SYNDIG1: variants seen among roughly 807,000 people sequenced by gnomAD.
SYNDIG1 encodes synapse differentiation-inducing gene protein 1.
SYNDIG1 carries 9 observed loss-of-function variants against 19.4 expected under a neutral mutation model. The ratio of observed to expected loss-of-function variants is 0.46; its 90% CI spans 0.28 to 0.81. The LOEUF is 0.81. Among genes scored for constraint, SYNDIG1 ranks in the 30% least tolerant of loss-of-function variants. The pLI, the probability that SYNDIG1 is intolerant of heterozygous loss-of-function variation, is 0.12. For missense variants in SYNDIG1, 311 were observed against 343.3 expected (o/e 0.91, Z 0.74); for synonymous variants, 141 against 145.9 (o/e 0.97, Z 0.24).
chr20:24,469,979 G>C (rs1009058177), intron 1 of SYNDIG1, among the ~76,000 whole-genome samples: 3 of 152,208 alleles, frequency 2.0e-5, no homozygotes, highest in Non-Finnish European at 4.4e-5. Context: ...GTCGCAGGGC[G>C]GGAGGGGGAG....
At chr20:24,589,176 G>T (rs528029996) in intron 3 of SYNDIG1, among the ~76,000 whole-genome samples, 1 of 152,326 alleles carries the variant, frequency 6.6e-6, no homozygotes, top group East Asian at 1.9e-4. Flanking sequence ...AATTGGCTGA[G>T]TGGCTGCTGT....
intron 3 of SYNDIG1, among the ~76,000 whole-genome samples, chr20:24,650,807 G>C (rs1305358955): frequency 2.0e-5 from 3 of 151,274 alleles, no homozygotes; most frequent in East Asian, 3.9e-4. Flanking sequence ...GGGCTCCCAA[G>C]GACCACGCAA....
chr20:24,531,881 G>A (rs1385615573), intron 1 of SYNDIG1, among the ~76,000 whole-genome samples: 1 of 152,238 alleles, frequency 6.6e-6, no homozygotes, highest in African/African-American at 2.4e-5. Flanking sequence ...AGCATCTGCT[G>A]TATTTAGGGG....
At chr20:24,490,021 TAACAG>T (rs2056101903) in intron 1 of SYNDIG1, among the ~76,000 whole-genome samples, 1 of 152,146 alleles carries the variant, frequency 6.6e-6, no homozygotes, top group Admixed American at 6.5e-5. Context: ...CTCCCACAAA[TAACAG>T]AAGAGAGAGG....
intron 2 of SYNDIG1, among the ~76,000 whole-genome samples, chr20:24,574,727 A>G (rs1366815251): frequency 6.6e-6 from 1 of 152,204 alleles, no homozygotes; most frequent in East Asian, 1.9e-4. Flanking sequence ...TAATATAATG[A>G]TATGTCTTAT....
intron 2 of SYNDIG1, among the ~76,000 whole-genome samples, chr20:24,556,729 G>C (rs189077825): frequency 1.3e-5 from 2 of 152,262 alleles, no homozygotes; most frequent in Admixed American, 1.3e-4. Context: ...CTCTCTAGCT[G>C]CCCTTAACAT....
At chr20:24,600,982 A>C (rs114070581) in intron 3 of SYNDIG1, among the ~76,000 whole-genome samples, 4,638 of 152,298 alleles carry the variant, frequency 0.03, 153 homozygotes, top group African/African-American at 0.083. Flanking sequence ...CTTATCTTGT[A>C]TCAACGGAAA....
intron 1 of SYNDIG1, among the ~76,000 whole-genome samples, chr20:24,533,626 CT>C (rs899892184): frequency 6.6e-6 from 1 of 151,974 alleles, no homozygotes; most frequent in Non-Finnish European, 1.5e-5. Context: ...GCAAGTTGAT[CT>C]CTGGGGGGCG....
chr20:24,539,653 A>G (rs574008389), intron 1 of SYNDIG1, among the ~76,000 whole-genome samples: 4 of 152,360 alleles, frequency 2.6e-5, no homozygotes, highest in East Asian at 1.9e-4. Context: ...CACTGAATCT[A>G]TAGATAACTT....
intron 3 of SYNDIG1, among the ~76,000 whole-genome samples, chr20:24,618,878 A>T (rs1039037411): frequency 2.6e-5 from 4 of 151,736 alleles, no homozygotes; most frequent in Admixed American, 2.6e-4. Context: ...CAGATATGTA[A>T]CTGCTGTAGC....
chr20:24,591,449 C>CTT (rs200717142), intron 3 of SYNDIG1, among the ~76,000 whole-genome samples: 1 of 146,224 alleles, frequency 6.8e-6, no homozygotes, highest in African/African-American at 2.5e-5. Flanking sequence ...ATCTAGTTAT[C>CTT]TTTTTTTTTT....
chr20:24,650,321 C>T (rs2059457435), intron 3 of SYNDIG1, among the ~76,000 whole-genome samples: 1 of 152,220 alleles, frequency 6.6e-6, no homozygotes, highest in African/African-American at 2.4e-5. Context: ...CGTTTATAAA[C>T]AGAAATCTGC....
At chr20:24,585,802 C>T (rs1282478661) in intron 3 of SYNDIG1, among the ~76,000 whole-genome samples, 1 of 152,234 alleles carries the variant, frequency 6.6e-6, no homozygotes, top group Non-Finnish European at 1.5e-5. Flanking sequence ...AGAAAGAGCA[C>T]TCCTCTGCTG....
At chr20:24,524,455 C>A (rs191411753) in intron 1 of SYNDIG1, among the ~76,000 whole-genome samples, 5 of 152,270 alleles carry the variant, frequency 3.3e-5, no homozygotes, top group African/African-American at 1.2e-4. Context: ...ACCATCCTGG[C>A]TAACAAGGCG....
intron 3 of SYNDIG1, among the ~76,000 whole-genome samples, chr20:24,625,839 C>T (rs1324038938): frequency 6.6e-6 from 1 of 152,270 alleles, no homozygotes; most frequent in Non-Finnish European, 1.5e-5. Context: ...TCCACAAAAC[C>T]GCCATTGTCA....
At chr20:24,578,300 G>A (rs1004008483) in intron 2 of SYNDIG1, among the ~76,000 whole-genome samples, 2 of 151,950 alleles carry the variant, frequency 1.3e-5, no homozygotes, top group Non-Finnish European at 2.9e-5. Context: ...AAAATTAGCC[G>A]GGCATGATGG....
chr20:24,530,806 T>C lies in SYNDIG1; in HGVS notation c.-78-12214T>C, dbSNP rs1304575375. Among the ~76,000 whole-genome samples the C allele has an allele frequency of 4.0e-5, 6 of 151,638 alleles. No homozygotes were observed. In the East Asian group the frequency reaches 1.2e-3, roughly 29 times the overall value. ...GGTTTTGTTTGTTTGTTTTTTGGGT[T>C]TTTTGTTTTTTTTTTTTTCGGAGAC... On this transcript the variant is annotated intron_variant, in intron 1 of 3. Coordinates refer to ENST00000376862, the MANE Select transcript of SYNDIG1 (RefSeq NM_024893.3).
At chr20:24,604,418 C>A (rs550616333) in intron 3 of SYNDIG1, among the ~76,000 whole-genome samples, 1 of 152,230 alleles carries the variant, frequency 6.6e-6, no homozygotes, top group Admixed American at 6.5e-5. Context: ...TGGCCAAAAC[C>A]CACCAAAACC....
intron 1 of SYNDIG1, among the ~76,000 whole-genome samples, chr20:24,514,015 A>C (rs775348339): frequency 1.3e-5 from 2 of 152,228 alleles, no homozygotes; most frequent in Non-Finnish European, 2.9e-5. Context: ...TTTCATATCC[A>C]GCCAAACTAA....
Sources: allele counts gnomAD v4.1 joint callset (sites outside exome capture counted in the v4.1 genomes callset), GRCh38; gene constraint gnomAD v4.1.1; transcripts MANE v1.5; gene names NCBI Gene and HGNC (gene_info 2026-07-23, HGNC 2026-07-21).